PTPRD: variants seen among roughly 807,000 people sequenced by gnomAD.
PTPRD encodes protein tyrosine phosphatase receptor type D.
A neutral mutation model predicts 214.5 loss-of-function variants in PTPRD; 34 were observed. The ratio of observed to expected loss-of-function variants is 0.16; its 90% confidence interval spans 0.12 to 0.21. PTPRD has a LOEUF of 0.21. PTPRD is among the 10% of genes least tolerant of loss of function. PTPRD has a pLI of 1.00. For missense variants in PTPRD, 2,545 were observed against 2,398.7 expected, an observed-to-expected ratio of 1.06 and a Z score of -1.27; for synonymous variants, 1,128 against 845.7, an observed-to-expected ratio of 1.33 and a Z score of -5.79.
At chr9:9,978,061 T>C (rs913809920) in intron 4 of PTPRD, among the ~76,000 whole-genome samples, 1 of 151,998 alleles carries the variant, frequency 6.6e-6, no homozygotes, top group African/African-American at 2.4e-5. Context: ...GTCCATCAGA[T>C]AGCTGATATT....
intron 11 of PTPRD, among the ~76,000 whole-genome samples, chr9:8,774,557 G>C (rs376618581): frequency 1.7e-4 from 15 of 88,070 alleles, no homozygotes; most frequent in African/African-American, 6.5e-4. Context: ...TTTTTGAAAC[G>C]GAGTTTTGCT....
At chr9:8,561,613 G>A (rs1015791603) in intron 14 of PTPRD, among the ~76,000 whole-genome samples, 10 of 152,134 alleles carry the variant, frequency 6.6e-5, no homozygotes, top group Admixed American at 2.0e-4. Context: ...GGTGAGGGGG[G>A]GTGGAGAGTG....
chr9:10,131,511 A>G (rs964013196), intron 3 of PTPRD, among the ~76,000 whole-genome samples: 1 of 152,202 alleles, frequency 6.6e-6, no homozygotes, highest in African/African-American at 2.4e-5. Flanking sequence ...AAATGTAAAA[A>G]TATAGTAACA....
intron 10 of PTPRD, chr9:9,090,836 A>T: frequency 1.3e-6 from 1 of 763,796 alleles, no homozygotes; most frequent in South Asian, 1.4e-5. Context: ...ATCTTATTCC[A>T]TTGACAATGA....
intron 7 of PTPRD, among the ~76,000 whole-genome samples, chr9:9,693,299 A>T (rs2803374): frequency 6.6e-6 from 1 of 151,188 alleles, no homozygotes; most frequent in Non-Finnish European, 1.5e-5. Flanking sequence ...GGGTTAGGGG[A>T]ATGGTTTCCC....
chr9:10,005,095 A>G (rs1202996948), intron 4 of PTPRD, among the ~76,000 whole-genome samples: 2 of 152,126 alleles, frequency 1.3e-5, no homozygotes, highest in Admixed American at 6.6e-5. Flanking sequence ...ACTATTTCCT[A>G]TAAGATTTTT....
At chr9:9,726,280 G>A (rs1019785988) in intron 7 of PTPRD, among the ~76,000 whole-genome samples, 6 of 152,140 alleles carry the variant, frequency 3.9e-5, no homozygotes, top group Non-Finnish European at 8.8e-5. Context: ...CACATTCCAA[G>A]CATTTAACTG....
In PTPRD at chr9:8,837,958, G is replaced by C. The variant is rs951548838; in HGVS notation, c.-103-104012C>G. ...AATATGCCCACTTCTTAGAACATGA[G>C]TAAGCCCCATGTTTTGTGAAAATAT... is the stretch of plus-strand genomic sequence containing the variant. On this transcript the variant is annotated intron_variant, in intron 11 of 45. Coordinates refer to ENST00000381196, the MANE Select transcript of PTPRD (RefSeq NM_002839.4). Among the ~76,000 whole-genome samples, 3 of 152,192 alleles carry C rather than the reference G, an allele frequency of 2.0e-5. No homozygotes were observed. In the East Asian group the frequency reaches 5.8e-4, roughly 29 times the overall value.
intron 20 of PTPRD, among the ~76,000 whole-genome samples, chr9:8,519,561 A>G (rs1031844152): frequency 6.6e-6 from 1 of 152,160 alleles, no homozygotes; most frequent in Non-Finnish European, 1.5e-5. Flanking sequence ...ACCCCCTAGA[A>G]TGGCAGCTTT....
rs547135402 is a variant in PTPRD at position 8,375,662 on chromosome 9, G to A, written c.4661+274C>T. On this transcript the variant is annotated intron_variant, in intron 39 of 45. Coordinates refer to ENST00000381196, the MANE Select transcript of PTPRD (RefSeq NM_002839.4). ...TTATTTTTTGTTTTACATATTTATA[G>A]CCATGTGCCCACTTAATTTTGTGTT... Among the ~76,000 whole-genome samples the A allele has an allele frequency of 3.3e-5, 5 of 152,090 alleles. No homozygotes were observed. The South Asian group carries it at 1.0e-3, about 32-fold the overall frequency.
chr9:9,921,324 A>G (rs1218394735), intron 5 of PTPRD, among the ~76,000 whole-genome samples: 2 of 152,076 alleles, frequency 1.3e-5, no homozygotes, highest in Non-Finnish European at 2.9e-5. Context: ...AATACATAGT[A>G]AAATAGAAAT....
At chr9:10,074,571 C>G (rs554299762) in intron 3 of PTPRD, among the ~76,000 whole-genome samples, 4 of 152,188 alleles carry the variant, frequency 2.6e-5, no homozygotes, top group Admixed American at 1.3e-4. Flanking sequence ...TGCACAGACA[C>G]ATTCTATTTT....
chr9:8,518,015 G>C lies in PTPRD; in HGVS notation c.1376C>G (p.Pro459Arg), dbSNP rs769785292. 1.9e-6 allele frequency: 3 copies of C among 1,614,116 alleles called. No homozygotes were observed. Among genetic ancestry groups the C allele is most frequent in the Non-Finnish European group, 2.5e-6 (3 of 1,180,016 alleles). The change falls in exon 21 of 46, where the codon CCC becomes CGC. Residue 459 changes from proline (P) to arginine (R), a missense_variant. By Grantham distance (103) the Pro-to-Arg change is moderately radical. Transcript: ENST00000381196. The part of the protein sequence containing the change: ...QGYRVYYTMD[P>R]TQHVNNWMKH... ...CATCCAGTTGTTGACATGTTGAGTG[G>C]GATCCATTGTATAATAAACTCTATA...
chr9:8,758,873 GA>G (rs1193599028), intron 11 of PTPRD, among the ~76,000 whole-genome samples: 1 of 151,616 alleles, frequency 6.6e-6, no homozygotes, highest in Non-Finnish European at 1.5e-5. Context: ...TTTTAATAGA[GA>G]CGGGGTTTCA....
At chr9:8,541,998 C>T (rs2078565472) in intron 14 of PTPRD, among the ~76,000 whole-genome samples, 2 of 151,812 alleles carry the variant, frequency 1.3e-5, no homozygotes, top group South Asian at 4.2e-4. Context: ...GAATGAAATC[C>T]CTTATCTTTT....
At chr9:9,460,969 A>C (rs529919409) in intron 8 of PTPRD, among the ~76,000 whole-genome samples, 12 of 152,222 alleles carry the variant, frequency 7.9e-5, no homozygotes, top group African/African-American at 2.6e-4. Flanking sequence ...TGGTATAAAT[A>C]CACCATGGAA....
chr9:9,560,151 C>T (rs69781), intron 8 of PTPRD, among the ~76,000 whole-genome samples: 53,628 of 152,062 alleles, frequency 0.35, 9,791 homozygotes, highest in African/African-American at 0.42. Flanking sequence ...TTCTCTCAGA[C>T]GTCTTGCACT....
At chr9:9,929,279 C>A (rs1319221577) in intron 5 of PTPRD, among the ~76,000 whole-genome samples, 2 of 152,130 alleles carry the variant, frequency 1.3e-5, no homozygotes, top group African/African-American at 4.8e-5. Context: ...CCCCTTTGGA[C>A]CAGTAAAGTT....
At chr9:9,373,395 A>T (rs769980751) in intron 9 of PTPRD, among the ~76,000 whole-genome samples, 7 of 152,130 alleles carry the variant, frequency 4.6e-5, no homozygotes, top group African/African-American at 1.7e-4. Context: ...TTAGTTTCTT[A>T]GTGCTGCTGT....
Sources: gnomAD v4.1 joint callset for allele counts (sites outside exome capture counted in the v4.1 genomes callset) on GRCh38, gnomAD v4.1.1 for gene constraint, MANE v1.5 for transcripts, NCBI Gene and HGNC (gene_info 2026-07-23, HGNC 2026-07-21) for gene names.